The following NPAS2 variants were observed in gnomAD, a reference collection of about 807,000 sequenced individuals.
NPAS2 encodes the protein neuronal PAS domain protein 2, also known as neuronal PAS domain-containing protein 2.
In NPAS2, 23 loss-of-function variants were observed where a neutral mutation model predicts 107.5. The ratio of observed to expected loss-of-function variants is 0.21; its 90% confidence interval spans 0.15 to 0.30. The LOEUF is 0.30. Among genes scored for constraint, NPAS2 ranks in the 10% least tolerant of loss-of-function variants. The pLI is 1.00. For synonymous variants in NPAS2, 403 were observed against 417.5 expected (o/e 0.97, Z 0.42); for missense variants, 756 against 1,043.3 (o/e 0.72, Z 3.79).
chr2:100,941,706 A>G (rs750021388), intron 5 of NPAS2, among the ~76,000 whole-genome samples: 1 of 152,202 alleles, frequency 6.6e-6, no homozygotes, highest in Non-Finnish European at 1.5e-5. Flanking sequence ...AGCCTCTGGA[A>G]TGAAAACCTT....
At chr2:100,993,884 T>G (rs1678289428) in intron 20 of NPAS2, 1 of 224,924 alleles carries the variant, frequency 4.4e-6, no homozygotes, top group Non-Finnish European at 8.6e-6. Context: ...TTCAGTGTGT[T>G]TATAAAGTCC....
intron 7 of NPAS2, among the ~76,000 whole-genome samples, chr2:100,953,387 AAAAC>A (rs1256192184): frequency 6.7e-6 from 1 of 150,056 alleles, no homozygotes; most frequent in East Asian, 1.9e-4. Flanking sequence ...AAAAAAAAAA[AAAAC>A]AAAAAAAACA....
At chr2:100,977,925 T>C (rs1677130399) in intron 15 of NPAS2, 126 bp downstream of exon 15, 3 of 781,028 alleles carry the variant, frequency 3.8e-6, no homozygotes, top group African/African-American at 1.7e-5. Context: ...CCTCCCAATG[T>C]GTGTGTGGCC....
intron 3 of NPAS2, among the ~76,000 whole-genome samples, chr2:100,928,712 A>T (rs1380099053): frequency 6.6e-6 from 1 of 152,164 alleles, no homozygotes; most frequent in African/African-American, 2.4e-5. Flanking sequence ...GTTGGAGCAA[A>T]ACTTGGATTA....
chr2:100,828,144 A>G (rs1676502089), intron 1 of NPAS2, among the ~76,000 whole-genome samples: 1 of 151,970 alleles, frequency 6.6e-6, no homozygotes, highest in Non-Finnish European at 1.5e-5. Context: ...TGAGGTTTTG[A>G]TTTGCATTTA....
In NPAS2 at chr2:100,875,909, A is replaced by G. The variant is rs559921643; in HGVS notation, c.-22-28824A>G. On this transcript the variant is annotated intron_variant, in intron 1 of 20. Transcript: ENST00000335681. ...GAAAGCAAACTTCAAGCCACGTGAT[A>G]TTAGCACAGAAGGGAAATGGGAGGA... Among the ~76,000 whole-genome samples, 52 of 152,338 alleles carry G rather than the reference A, an allele frequency of 3.4e-4. 1 individual carries two copies. The highest frequency in any genetic ancestry group is 1.2e-3 in the African/African-American group (51 of 41,570).
At chr2:100,885,249 C>T (rs755541199) in intron 1 of NPAS2, among the ~76,000 whole-genome samples, 1 of 152,010 alleles carries the variant, frequency 6.6e-6, no homozygotes, top group African/African-American at 2.4e-5. Flanking sequence ...CGCGCCCAGC[C>T]GATCCTTTGT....
chr2:100,979,399 T>G (rs1677259196), intron 15 of NPAS2, among the ~76,000 whole-genome samples: 2 of 150,834 alleles, frequency 1.3e-5, no homozygotes, highest in South Asian at 4.2e-4. Context: ...GACACGATGG[T>G]GTGATGCAGT....
intron 1 of NPAS2, among the ~76,000 whole-genome samples, chr2:100,875,972 T>C (rs1282139961): frequency 6.6e-6 from 1 of 152,192 alleles, no homozygotes; most frequent in Non-Finnish European, 1.5e-5. Flanking sequence ...AGTTCTGAAG[T>C]GAGGGCTCTT....
At chr2:100,881,710 G>T (rs1015797201) in intron 1 of NPAS2, among the ~76,000 whole-genome samples, 11 of 151,730 alleles carry the variant, frequency 7.2e-5, no homozygotes, top group Non-Finnish European at 2.9e-5. Flanking sequence ...TGCTGCTGTC[G>T]ATCTTTATTT....
intron 1 of NPAS2, among the ~76,000 whole-genome samples, chr2:100,868,395 T>G (rs530970309): frequency 6.6e-6 from 1 of 152,336 alleles, no homozygotes; most frequent in Non-Finnish European, 1.5e-5. Context: ...TAATCAGTGT[T>G]TTCTCTGGCT....
At chr2:100,879,061 G>T (rs917591774) in intron 1 of NPAS2, among the ~76,000 whole-genome samples, 2 of 151,630 alleles carry the variant, frequency 1.3e-5, no homozygotes, top group African/African-American at 4.9e-5. Flanking sequence ...TGCAGTGAGC[G>T]GAGATCGCAC....
chr2:100,991,596 G>T (rs114222718), intron 19 of NPAS2, among the ~76,000 whole-genome samples: 3,304 of 152,272 alleles, frequency 0.022, 121 homozygotes, highest in African/African-American at 0.076. Context: ...CCTCTCCCTA[G>T]AAGTCCTTCT....
chr2:100,846,155 G>A (rs1677760081), intron 1 of NPAS2, among the ~76,000 whole-genome samples: 2 of 152,146 alleles, frequency 1.3e-5, no homozygotes, highest in African/African-American at 4.8e-5. Context: ...CTCCCCCATG[G>A]TTTTCTGCTT....
chr2:100,874,887 A>G (rs1360868078), intron 1 of NPAS2, among the ~76,000 whole-genome samples: 1 of 152,164 alleles, frequency 6.6e-6, no homozygotes, highest in Non-Finnish European at 1.5e-5. Flanking sequence ...AGGGGCTCTC[A>G]TGCCAGGCCC....
At chr2:100,990,954 C>A in intron 19 of NPAS2, 82 bp downstream of exon 19, 1 of 1,144,284 alleles carries the variant, frequency 8.7e-7, no homozygotes, top group Non-Finnish European at 1.3e-6. Flanking sequence ...CCTGGGCCAG[C>A]AGCACTCACA....
At chr2:100,964,228 AT>A in intron 8 of NPAS2, 52 bp downstream of exon 8, 1 of 1,135,012 alleles carries the variant, frequency 8.8e-7, no homozygotes, top group East Asian at 2.3e-5. Context: ...ATTGACTCAC[AT>A]TTTGTTATAT....
At chr2:100,977,998 G>A (rs1301499007) in intron 15 of NPAS2, among the ~76,000 whole-genome samples, 199 bp downstream of exon 15, 1 of 152,128 alleles carries the variant, frequency 6.6e-6, no homozygotes, top group East Asian at 1.9e-4. Context: ...TTTTTCCAGT[G>A]TCTGGGGTTT....
chr2:100,830,283 A>G (rs1676650806), intron 1 of NPAS2, among the ~76,000 whole-genome samples: 1 of 152,110 alleles, frequency 6.6e-6, no homozygotes, highest in Non-Finnish European at 1.5e-5. Context: ...AAATGCAAAC[A>G]TTTGTTTTCT....
Sources: gnomAD v4.1 joint callset for allele counts (sites outside exome capture counted in the v4.1 genomes callset) on GRCh38, gnomAD v4.1.1 for gene constraint, MANE v1.5 for transcripts, NCBI Gene and HGNC (gene_info 2026-07-23, HGNC 2026-07-21) for gene names.